The following ABHD17C variants were observed in gnomAD, a reference collection of about 807,000 sequenced individuals.
ABHD17C encodes the protein alpha/beta hydrolase domain-containing protein 17C.
A neutral mutation model predicts 27.9 loss-of-function variants in ABHD17C; 11 were observed. The ratio of observed to expected loss-of-function variants is 0.39; its 90% CI spans 0.25 to 0.65. The LOEUF is 0.65. Among genes scored for constraint, ABHD17C ranks in the 30% least tolerant of loss-of-function variants. ABHD17C has a pLI of 0.45. For synonymous variants in ABHD17C, 233 were observed against 209.1 expected, an observed-to-expected ratio of 1.11 and a Z score of -0.98; for missense variants, 280 against 470.2, an observed-to-expected ratio of 0.60 and a Z score of 3.74.
At chr15:80,715,654 G>A (rs548602039) in intron 1 of ABHD17C, among the ~76,000 whole-genome samples, 1 of 152,314 alleles carries the variant, frequency 6.6e-6, no homozygotes, top group East Asian at 1.9e-4. Context: ...ATTTCTAAAT[G>A]GGTTTGTGAT....
At chr15:80,728,287 A>G (rs1895010600) in intron 1 of ABHD17C, among the ~76,000 whole-genome samples, 1 of 152,170 alleles carries the variant, frequency 6.6e-6, no homozygotes, top group African/African-American at 2.4e-5. Context: ...CCTACCTACA[A>G]ACTCACCAGA....
chr15:80,737,586 G>C (rs1383895844), intron 1 of ABHD17C, among the ~76,000 whole-genome samples: 1 of 152,188 alleles, frequency 6.6e-6, no homozygotes, highest in African/African-American at 2.4e-5. Context: ...CATCGTCATT[G>C]TAAGTGTAGG....
At chr15:80,752,502 G>T (rs1253145128) in intron 2 of ABHD17C, among the ~76,000 whole-genome samples, 1 of 152,170 alleles carries the variant, frequency 6.6e-6, no homozygotes, top group African/African-American at 2.4e-5. Flanking sequence ...CTGAGCTTCA[G>T]TTTCCTCCTT....
chr15:80,730,911 C>A (rs1895049360), intron 1 of ABHD17C, among the ~76,000 whole-genome samples: 2 of 152,058 alleles, frequency 1.3e-5, no homozygotes, highest in African/African-American at 4.8e-5. Flanking sequence ...TTTTTAGTGG[C>A]CAATAAAGGC....
chr15:80,748,035 C>T (rs373545544), intron 1 of ABHD17C, among the ~76,000 whole-genome samples: 1 of 152,200 alleles, frequency 6.6e-6, no homozygotes, highest in African/African-American at 2.4e-5. Context: ...ATGCGTTGCA[C>T]GTCTCCCATA....
intron 1 of ABHD17C, among the ~76,000 whole-genome samples, chr15:80,721,594 G>A (rs568506076): frequency 3.9e-5 from 6 of 152,252 alleles, no homozygotes; most frequent in African/African-American, 9.6e-5. Context: ...AAATGCTATC[G>A]TCATTGTCAT....
At position 80,695,918 on chromosome 15, in the gene ABHD17C, C is replaced by A; in HGVS notation, c.489C>A (p.Ile163=). 1 of 1,597,462 alleles carries A rather than the reference C, an allele frequency of 6.3e-7. No homozygotes were observed. The stretch of plus-strand genomic sequence containing the variant: ...TCGGCTCCCGCATCAACTGCAACAT[C>A]TTCTCCTACGACTACTCGGGATACG... ...IGLGSRINCN[I]FSYDYSGYGV... is the part of the protein sequence containing the mutation. The change falls in exon 1 of 3, where the codon ATC becomes ATA. Residue 163 remains isoleucine, a synonymous_variant. Coordinates refer to ENST00000258884, the MANE Select transcript of ABHD17C (RefSeq NM_021214.2). The surrounding 1 kb of genome is among the most constrained non-coding windows in gnomAD (Gnocchi z 4.3).
intron 1 of ABHD17C, among the ~76,000 whole-genome samples, chr15:80,721,527 A>C (rs916691115): frequency 1.3e-5 from 2 of 152,230 alleles, no homozygotes; most frequent in Non-Finnish European, 2.9e-5. Context: ...ATTGAACATT[A>C]AATCATTTAG....
chr15:80,712,309 G>A (rs1409568513), intron 1 of ABHD17C, among the ~76,000 whole-genome samples: 1 of 152,204 alleles, frequency 6.6e-6, no homozygotes, highest in Non-Finnish European at 1.5e-5. Flanking sequence ...TCAGGTTCAG[G>A]ATGTGGGGCC....
In ABHD17C at chr15:80,695,474, G is replaced by C; in HGVS notation, c.45G>C (p.Glu15Asp). Residue 15 changes from glutamate (E) to aspartate (D), a missense_variant, in exon 1 of 3, where the codon GAG becomes GAC. Coordinates refer to ENST00000258884, the MANE Select transcript of ABHD17C (RefSeq NM_021214.2). The surrounding 1 kb of genome is among the most constrained non-coding windows in gnomAD (Gnocchi z 4.3). ...GPRMNGFSLG[E>D]LCWLFCCPPC... ...GGATGAACGGCTTCTCGCTGGGTGA[G>C]CTGTGCTGGCTCTTCTGCTGCCCGC... 7.2e-7 allele frequency: 1 copy of C among 1,383,988 alleles called. No homozygotes were observed. Among genetic ancestry groups the C allele is most frequent in the Non-Finnish European group, 9.5e-7 (1 of 1,057,714 alleles). The allele number at this position is 1,383,988 out of a possible 1,614,324, so 85.7% of individuals were successfully genotyped here. A position where few individuals can be genotyped will look rare whatever the true frequency, so the allele number is the denominator to read the frequency against.
At chr15:80,723,515 G>A (rs1365128535) in intron 1 of ABHD17C, among the ~76,000 whole-genome samples, 1 of 152,160 alleles carries the variant, frequency 6.6e-6, no homozygotes, top group African/African-American at 2.4e-5. Flanking sequence ...AGTCTAAGGG[G>A]TAATTTACCA....
intron 1 of ABHD17C, among the ~76,000 whole-genome samples, chr15:80,697,722 G>A (rs913029053): frequency 6.6e-6 from 1 of 151,938 alleles, no homozygotes; most frequent in African/African-American, 2.4e-5. Context: ...AAGGGTAATT[G>A]TTTCGGATAA....
At chr15:80,700,084 C>G (rs1894550517) in intron 1 of ABHD17C, among the ~76,000 whole-genome samples, 1 of 152,150 alleles carries the variant, frequency 6.6e-6, no homozygotes, top group Admixed American at 6.5e-5. Context: ...AGTGATTAAT[C>G]TGTGCAGGAA....
At position 80,751,992 on chromosome 15, in the gene ABHD17C, A is replaced by G. The variant is rs376908548; in HGVS notation, c.771-2159A>G. Among the ~76,000 whole-genome samples, 89 of 152,356 alleles carry G rather than the reference A, an allele frequency of 5.8e-4. 1 individual carries two copies. The South Asian group carries it at 9.1e-3, about 16-fold the overall frequency. The stretch of plus-strand genomic sequence containing the variant: ...TTGCACATTTCCTTTTAATATTAAA[A>G]CAAATTTAAACAAAAGGAAAAGGAA... On this transcript the variant is annotated intron_variant, in intron 2 of 2. Transcript: ENST00000258884.
intron 1 of ABHD17C, among the ~76,000 whole-genome samples, chr15:80,720,389 G>T (rs976059261): frequency 2.2e-4 from 34 of 152,020 alleles, no homozygotes; most frequent in Non-Finnish European, 8.8e-5. Flanking sequence ...GAATGGAAAT[G>T]TAGGAGGTAA....
At position 80,699,475 on chromosome 15, in the gene ABHD17C, G is replaced by T. The variant is rs78546373; in HGVS notation, c.590+3456G>T. On this transcript the variant is annotated intron_variant, in intron 1 of 2. Coordinates refer to ENST00000258884, the MANE Select transcript of ABHD17C (RefSeq NM_021214.2). The stretch of plus-strand genomic sequence containing the variant: ...AGGCCTCATCCACTTTGTATTCATT[G>T]TATTGGTGTTCTTGTGACACTGAAA... Among the ~76,000 whole-genome samples the T allele has an allele frequency of 7.9e-5, 12 of 151,084 alleles. No individual in the cohort carries two copies. In the East Asian group the frequency reaches 1.4e-3, roughly 17 times the overall value.
intron 1 of ABHD17C, among the ~76,000 whole-genome samples, chr15:80,723,449 A>C (rs987845963): frequency 3.3e-5 from 5 of 152,162 alleles, no homozygotes; most frequent in African/African-American, 9.7e-5. Context: ...TAAGGAAGGA[A>C]CTGACTAGAT....
chr15:80,730,925 C>T (rs1396641229), intron 1 of ABHD17C, among the ~76,000 whole-genome samples: 1 of 152,116 alleles, frequency 6.6e-6, no homozygotes, highest in African/African-American at 2.4e-5. Context: ...TAAAGGCTTC[C>T]TGTTTATGAT....
chr15:80,747,955 C>A (rs139469126), intron 1 of ABHD17C, among the ~76,000 whole-genome samples: 166 of 152,320 alleles, frequency 1.1e-3, no homozygotes, highest in African/African-American at 3.8e-3. Context: ...AACCCTTTAG[C>A]TTCCAATTCA....
Sources: gnomAD v4.1 joint callset for allele counts (sites outside exome capture counted in the v4.1 genomes callset) on GRCh38, gnomAD v4.1.1 for gene constraint, Gnocchi (gnomAD v3.1) non-coding constraint, MANE v1.5 for transcripts, NCBI Gene and HGNC (gene_info 2026-07-23, HGNC 2026-07-21) for gene names.